STARD8: variants seen among roughly 807,000 people sequenced by gnomAD.
The protein encoded by STARD8 is stAR-related lipid transfer protein 8.
In STARD8, 25 loss-of-function variants were observed where a neutral mutation model predicts 69.4. The observed-to-expected ratio is 0.36, with a 90% confidence interval of 0.26 to 0.50. The LOEUF (loss-of-function observed/expected upper bound fraction) is 0.50, where lower values mean the gene tolerates loss of function less well. Ranked by LOEUF, STARD8 falls within the 20% of genes least tolerant of loss-of-function variation. STARD8 has a pLI of 0.96. For synonymous variants in STARD8, 389 were observed against 374.6 expected (o/e 1.04, Z -0.45); for missense variants, 921 against 932.5 (o/e 0.99, Z 0.16).
intron 1 of STARD8, among the ~76,000 whole-genome samples, chrX:68,650,013 C>G (rs1262534177): frequency 1.8e-5 from 2 of 111,010 alleles, no homozygotes; most frequent in African/African-American, 6.6e-5. Context: ...CACCTCTGTC[C>G]CCTACCCCAG....
At chrX:68,682,542 A>G (rs749927717) in intron 2 of STARD8, among the ~76,000 whole-genome samples, 2 of 112,414 alleles carry the variant, frequency 1.8e-5, no homozygotes, top group Admixed American at 9.4e-5. Context: ...CTAAACTGGT[A>G]TGTTGGACTT....
chrX:68,700,493 C>T (rs187631054), intron 2 of STARD8, among the ~76,000 whole-genome samples: 157 of 112,690 alleles, frequency 1.4e-3, no homozygotes, highest in African/African-American at 4.7e-3. Context: ...CCTGCCCTGG[C>T]TGCAACTCTG....
rs1174070112 is a variant in STARD8, at chrX:68,723,701, C to T, written c.2875C>T (p.Arg959Cys). The T allele has an allele frequency of 5.0e-6, 6 of 1,196,596 alleles. No individual in the cohort carries two copies. Among genetic ancestry groups the T allele is most frequent in the Non-Finnish European group, 5.6e-6 (5 of 887,949 alleles). Residue 959 changes from arginine to cysteine, a missense_variant, in exon 13 of 15, where the codon CGT becomes TGT. By Grantham distance (180) the Arg-to-Cys change is radical (BLOSUM62 -3). Transcript: ENST00000374599. ...VAAPPAVVLHRVLRERALWDE... is the reference protein window; with the variant it reads ...VAAPPAVVLHCVLRERALWDE... ...AGCCCCCCCAGCTGTGGTGCTGCAT[C>T]GTGTTCTCCGGGAGCGGGCCCTCTG...
At chrX:68,720,517 T>G in intron 8 of STARD8, 94 bp downstream of exon 8, 1 of 992,324 alleles carries the variant, frequency 1.0e-6, no homozygotes, top group South Asian at 2.7e-5. Flanking sequence ...GGAGAGGAAC[T>G]GCTCTGGCCT....
At chrX:68,660,024 C>T (rs897279743) in intron 1 of STARD8, among the ~76,000 whole-genome samples, 11 of 111,007 alleles carry the variant, frequency 9.9e-5, no homozygotes, top group African/African-American at 3.6e-4. Context: ...AGATCACAGT[C>T]ATCCTGGTGG....
At chrX:68,665,266 C>T (rs904363931) in intron 1 of STARD8, among the ~76,000 whole-genome samples, 4 of 112,035 alleles carry the variant, frequency 3.6e-5, no homozygotes, top group African/African-American at 1.3e-4. Context: ...GTGAAGTGAA[C>T]CAGCAGGATC....
intron 1 of STARD8, among the ~76,000 whole-genome samples, chrX:68,652,043 A>C (rs1480954641): frequency 1.9e-5 from 2 of 104,780 alleles, no homozygotes; most frequent in East Asian, 6.0e-4. Context: ...TTTTTAGTAG[A>C]GACAGGGTTT....
chrX:68,672,172 G>A (rs2079732696), intron 2 of STARD8, among the ~76,000 whole-genome samples: 1 of 111,495 alleles, frequency 9.0e-6, no homozygotes, highest in South Asian at 3.8e-4. Flanking sequence ...GCCAGAATCT[G>A]CCTTACAACA....
At chrX:68,673,994 A>T (rs988652661) in intron 2 of STARD8, among the ~76,000 whole-genome samples, 3 of 111,847 alleles carry the variant, frequency 2.7e-5, no homozygotes, top group Non-Finnish European at 5.6e-5. Context: ...GGAATAGCAT[A>T]AAAAATTCAC....
intron 2 of STARD8, among the ~76,000 whole-genome samples, chrX:68,690,267 C>G (rs1342781608): frequency 9.0e-6 from 1 of 111,374 alleles, no homozygotes; most frequent in Non-Finnish European, 1.9e-5. Context: ...CTAAAAACTT[C>G]CCAGCTGAAT....
At position 68,719,185 on chromosome X, in the gene STARD8, T is replaced by C. The variant is rs1602613965; in HGVS notation, c.1716-40T>C. Reference sequence around the variant, plus strand: ...TTTTCTAAGGTTTAGCCAAACCTGCTCCTCTGGGCTTCTCCACCCCTCTCA... The same window carrying C: ...TTTTCTAAGGTTTAGCCAAACCTGCCCCTCTGGGCTTCTCCACCCCTCTCA... On this transcript the variant is annotated intron_variant, in intron 6 of 14. Transcript: ENST00000374599. The C allele has an allele frequency of 4.4e-6, 5 of 1,126,037 alleles. No homozygotes were observed. In the Admixed American group the frequency reaches 8.8e-5, roughly 20 times the overall value. The allele number at this position is 1,126,037 out of a possible 1,213,427, so 92.8% of individuals were successfully genotyped here. A position where few individuals can be genotyped will look rare whatever the true frequency, so the allele number is the denominator to read the frequency against.
At chrX:68,671,466 A>G (rs1216829964) in intron 2 of STARD8, among the ~76,000 whole-genome samples, 1 of 112,946 alleles carries the variant, frequency 8.9e-6, no homozygotes, top group Non-Finnish European at 1.9e-5. Flanking sequence ...TGACCCCTGG[A>G]TTCCCAGAAC....
chrX:68,680,317 C>A (rs954877933), intron 2 of STARD8, among the ~76,000 whole-genome samples: 1 of 111,806 alleles, frequency 8.9e-6, no homozygotes, highest in South Asian at 3.8e-4. Flanking sequence ...CTCCATCTGT[C>A]CCACGTGGGG....
At chrX:68,674,013 C>T (rs927444599) in intron 2 of STARD8, among the ~76,000 whole-genome samples, 1 of 111,137 alleles carries the variant, frequency 9.0e-6, no homozygotes, top group Non-Finnish European at 1.9e-5. Flanking sequence ...ACATGAATTA[C>T]CTGGGCATGA....
intron 2 of STARD8, among the ~76,000 whole-genome samples, chrX:68,682,826 C>T (rs1049577520): frequency 1.8e-5 from 2 of 112,595 alleles, no homozygotes; most frequent in African/African-American, 3.2e-5. Flanking sequence ...ATGCCACCTG[C>T]GTTAACTGGG....
chrX:68,702,333 G>T (rs1410360462), intron 2 of STARD8, among the ~76,000 whole-genome samples: 1 of 111,987 alleles, frequency 8.9e-6, no homozygotes, highest in Non-Finnish European at 1.9e-5. Flanking sequence ...GAGGGCTGTG[G>T]TTATTTAGGT....
At chrX:68,685,438 A>AC (rs1343312218) in intron 2 of STARD8, among the ~76,000 whole-genome samples, 1 of 109,914 alleles carries the variant, frequency 9.1e-6, no homozygotes, top group Non-Finnish European at 1.9e-5. Context: ...TTTAACCAGG[A>AC]CCCCCCACCA....
intron 1 of STARD8, among the ~76,000 whole-genome samples, chrX:68,655,179 C>T (rs183572276): frequency 3.6e-5 from 4 of 111,939 alleles, no homozygotes; most frequent in Non-Finnish European, 7.5e-5. Flanking sequence ...TGGAGCTCAC[C>T]GCTTCCTCAG....
intron 2 of STARD8, 66 bp downstream of exon 2, chrX:68,665,598 G>A: frequency 9.0e-7 from 1 of 1,113,508 alleles, no homozygotes; most frequent in Non-Finnish European, 1.2e-6. Context: ...TAGTCCTCAT[G>A]GGGCAACCGA....
Sources: gnomAD v4.1 joint callset for allele counts (sites outside exome capture counted in the v4.1 genomes callset) on GRCh38, gnomAD v4.1.1 for gene constraint, MANE v1.5 for transcripts, NCBI Gene and HGNC (gene_info 2026-07-23, HGNC 2026-07-21) for gene names.